The following DPYD variants were observed in gnomAD, a reference collection of about 807,000 sequenced individuals.
DPYD encodes the protein dihydropyrimidine dehydrogenase.
In DPYD, 109 loss-of-function variants were observed where a neutral mutation model predicts 116.2. The ratio of observed to expected loss-of-function variants is 0.94; its 90% CI spans 0.80 to 1.10. The LOEUF is 1.10. Ranked by LOEUF, DPYD falls within the 50% of genes least tolerant of loss-of-function variation. The probability of loss-of-function intolerance (pLI) is 0.00; values close to 1 mark genes in which losing one functional copy is unlikely to be tolerated. For synonymous variants in DPYD, 440 were observed against 432.0 expected, an observed-to-expected ratio of 1.02 and a Z score of -0.23; for missense variants, 1,302 against 1,254.5, an observed-to-expected ratio of 1.04 and a Z score of -0.57.
chr1:97,573,394 T>C (rs1321615866), intron 11 of DPYD, among the ~76,000 whole-genome samples: 1 of 152,110 alleles, frequency 6.6e-6, no homozygotes, highest in African/African-American at 2.4e-5. Flanking sequence ...GATTTTGATT[T>C]GTCTGAATCA....
intron 2 of DPYD, among the ~76,000 whole-genome samples, chr1:97,864,136 C>A (rs1671256015): frequency 6.6e-6 from 1 of 151,940 alleles, no homozygotes; most frequent in Non-Finnish European, 1.5e-5. Flanking sequence ...CTTTCCGTGA[C>A]TAGAATGAGA....
At chr1:97,361,224 G>A (rs1050769071) in intron 16 of DPYD, among the ~76,000 whole-genome samples, 26 of 152,098 alleles carry the variant, frequency 1.7e-4, no homozygotes, top group Admixed American at 3.9e-4. Context: ...TAAATTCCTG[G>A]ACACATACAC....
intron 8 of DPYD, among the ~76,000 whole-genome samples, chr1:97,651,007 G>A (rs1658550386): frequency 6.6e-6 from 1 of 152,050 alleles, no homozygotes; most frequent in Non-Finnish European, 1.5e-5. Flanking sequence ...CACAATAGCT[G>A]CAGTGAAAAG....
chr1:97,434,599 G>A (rs1355077483), intron 14 of DPYD, among the ~76,000 whole-genome samples: 1 of 151,902 alleles, frequency 6.6e-6, no homozygotes, highest in Non-Finnish European at 1.5e-5. Context: ...TCTTCCCTCT[G>A]GCTGATTACC....
At chr1:97,852,165 T>C (rs1039685592) in intron 2 of DPYD, among the ~76,000 whole-genome samples, 6 of 152,102 alleles carry the variant, frequency 3.9e-5, no homozygotes, top group Non-Finnish European at 8.8e-5. Context: ...ATTACCTAGA[T>C]TTAAAAAATC....
intron 1 of DPYD, among the ~76,000 whole-genome samples, chr1:97,917,008 TAAAGTA>T (rs1256495829): frequency 6.6e-6 from 1 of 152,154 alleles, no homozygotes; most frequent in African/African-American, 2.4e-5. Flanking sequence ...AGAAACACTT[TAAAGTA>T]AAACTATGGC....
At chr1:97,879,829 C>T (rs1258763282) in intron 2 of DPYD, among the ~76,000 whole-genome samples, 1 of 151,632 alleles carries the variant, frequency 6.6e-6, no homozygotes, top group Non-Finnish European at 1.5e-5. Flanking sequence ...TTTTATTCAC[C>T]TCTGAGTAGC....
At chr1:97,391,317 T>A (rs1672694003) in intron 14 of DPYD, among the ~76,000 whole-genome samples, 2 of 152,000 alleles carry the variant, frequency 1.3e-5, no homozygotes, top group Admixed American at 1.3e-4. Flanking sequence ...AAACCAAACT[T>A]AAATTTCTCC....
intron 2 of DPYD, among the ~76,000 whole-genome samples, chr1:97,844,832 C>T (rs1020777927): frequency 7.9e-5 from 12 of 152,216 alleles, no homozygotes; most frequent in Admixed American, 3.9e-4. Flanking sequence ...CCCCTGCAGT[C>T]TCAGAAGTGC....
chr1:97,403,158 G>A (rs561588787), intron 14 of DPYD, among the ~76,000 whole-genome samples: 7 of 152,152 alleles, frequency 4.6e-5, no homozygotes, highest in African/African-American at 9.6e-5. Context: ...CTTGACTTAC[G>A]ATGGGGTTAA....
chr1:97,917,410 T>C (rs921663367), intron 1 of DPYD, among the ~76,000 whole-genome samples: 3 of 152,238 alleles, frequency 2.0e-5, no homozygotes, highest in Non-Finnish European at 4.4e-5. Context: ...AAGTCCACTT[T>C]CTCCAAGTCT....
intron 3 of DPYD, among the ~76,000 whole-genome samples, chr1:97,744,740 C>T (rs1457861976): frequency 6.6e-6 from 1 of 152,010 alleles, no homozygotes. Context: ...AACCTTGTTT[C>T]CCTACCCTAT....
At position 97,658,049 on chromosome 1, in the gene DPYD, A is replaced by T. The variant is rs377274717; in HGVS notation, c.850+21046T>A. On this transcript the variant is annotated intron_variant, in intron 8 of 22. Coordinates refer to ENST00000370192, the MANE Select transcript of DPYD (RefSeq NM_000110.4). ...ATTCAGTTGCTTGTTTCTGTTCATG[A>T]GTACTAGTTTTATTCTACAGATAGT... is the stretch of plus-strand genomic sequence containing the variant. Among the ~76,000 whole-genome samples, 3 of 152,300 alleles carry T rather than the reference A, an allele frequency of 2.0e-5. No individual in the cohort carries two copies. The East Asian group carries it at 5.8e-4, about 29-fold the overall frequency.
chr1:97,182,966 T>A (rs1159836531), intron 20 of DPYD, among the ~76,000 whole-genome samples: 2 of 152,188 alleles, frequency 1.3e-5, no homozygotes, highest in East Asian at 3.8e-4. Context: ...AGGAATATTT[T>A]CTCCCAATCT....
intron 10 of DPYD, among the ~76,000 whole-genome samples, chr1:97,588,967 T>C (rs561202156): frequency 1.3e-5 from 2 of 152,300 alleles, no homozygotes; most frequent in African/African-American, 2.4e-5. Flanking sequence ...ATCAGAGCAG[T>C]GGACCAGCAA....
chr1:97,841,218 G>T (rs1421783927), intron 2 of DPYD, among the ~76,000 whole-genome samples: 1 of 152,034 alleles, frequency 6.6e-6, no homozygotes, highest in African/African-American at 2.4e-5. Flanking sequence ...GCAAGGCTCA[G>T]ATAATTTACA....
chr1:97,079,121 T>C lies in DPYD; in HGVS notation c.2933A>G (p.His978Arg), dbSNP rs72547601. 6.2e-7 allele frequency: 1 copy of C among 1,613,232 alleles called. No individual in the cohort carries two copies. The highest frequency in any genetic ancestry group is 1.3e-5 in the African/African-American group (1 of 74,792). Residue 978 changes from histidine (H) to arginine (R), a missense_variant, in exon 23 of 23, where the codon CAC (histidine) becomes CGC (arginine). Coordinates refer to ENST00000370192, the MANE Select transcript of DPYD (RefSeq NM_000110.4). The part of the protein sequence containing the change: ...YQAIQFDPET[H>R]LPTITDTCTG... ...ACAAGTGTCGGTTATGGTGGGCAGGTGGGTTTCTGGATCAAACTGTATAGC... is the reference window on the plus strand; with the variant it reads ...ACAAGTGTCGGTTATGGTGGGCAGGCGGGTTTCTGGATCAAACTGTATAGC...
chr1:97,133,406 G>C (rs916433508), intron 20 of DPYD, among the ~76,000 whole-genome samples: 3 of 151,816 alleles, frequency 2.0e-5, no homozygotes, highest in Non-Finnish European at 4.4e-5. Flanking sequence ...TTATGCAGGG[G>C]AATCTGCTTG....
At chr1:97,259,319 G>T (rs1222218698) in intron 18 of DPYD, among the ~76,000 whole-genome samples, 1 of 151,974 alleles carries the variant, frequency 6.6e-6, no homozygotes, top group African/African-American at 2.4e-5. Context: ...AAAAAGCTTG[G>T]TATACATTCT....
Sources: allele counts gnomAD v4.1 joint callset (sites outside exome capture counted in the v4.1 genomes callset), GRCh38; gene constraint gnomAD v4.1.1; transcripts MANE v1.5; gene names NCBI Gene and HGNC (gene_info 2026-07-23, HGNC 2026-07-21).